SLC6A6: variants seen among roughly 807,000 people sequenced by gnomAD.
The protein encoded by SLC6A6 is solute carrier family 6 member 6, also known as sodium- and chloride-dependent taurine transporter.
SLC6A6 carries 16 observed loss-of-function variants against 68.8 expected under a neutral mutation model. The observed-to-expected ratio is 0.23, with a 90% CI of 0.16 to 0.35. The LOEUF is 0.35. SLC6A6 is among the 10% of genes least tolerant of loss of function. The pLI is 1.00. For missense variants in SLC6A6, 474 were observed against 802.8 expected, an observed-to-expected ratio of 0.59 and a Z score of 4.95; for synonymous variants, 312 against 315.4, an observed-to-expected ratio of 0.99 and a Z score of 0.12.
chr3:14,475,674 C>T (rs1298195342), intron 10 of SLC6A6, among the ~76,000 whole-genome samples: 3 of 152,182 alleles, frequency 2.0e-5, no homozygotes, highest in Non-Finnish European at 4.4e-5. Flanking sequence ...GCGACACTGA[C>T]CTTCCTGTCT....
intron 4 of SLC6A6, among the ~76,000 whole-genome samples, chr3:14,447,091 A>G (rs540570543): frequency 7.9e-5 from 12 of 152,298 alleles, no homozygotes; most frequent in African/African-American, 2.6e-4. Flanking sequence ...TTATCTATGC[A>G]ACAAATGGAT....
At chr3:14,421,398 C>T (rs1273954259) in intron 2 of SLC6A6, among the ~76,000 whole-genome samples, 2 of 152,164 alleles carry the variant, frequency 1.3e-5, no homozygotes, top group African/African-American at 4.8e-5. Flanking sequence ...CTGAGCACAT[C>T]GTTTAACCTC....
chr3:14,432,300 C>A (rs987914438), intron 2 of SLC6A6, among the ~76,000 whole-genome samples: 3 of 152,206 alleles, frequency 2.0e-5, no homozygotes, highest in Admixed American at 6.5e-5. Flanking sequence ...CTCTGCAGAG[C>A]CTGTTTCAGG....
intron 2 of SLC6A6, among the ~76,000 whole-genome samples, chr3:14,428,884 T>C (rs1288633170): frequency 6.6e-6 from 1 of 152,220 alleles, no homozygotes; most frequent in Non-Finnish European, 1.5e-5. Flanking sequence ...GTGACTCCTC[T>C]CTGCTGGGTG....
intron 12 of SLC6A6, chr3:14,478,866 C>T (rs1700943612): frequency 1.0e-5 from 6 of 592,664 alleles, no homozygotes; most frequent in Non-Finnish European, 3.0e-6. Context: ...CCTAAGATTG[C>T]ACACCTAGGG....
At chr3:14,474,920 C>T (rs1574964403) in intron 10 of SLC6A6, among the ~76,000 whole-genome samples, 1 of 152,236 alleles carries the variant, frequency 6.6e-6, no homozygotes, top group Non-Finnish European at 1.5e-5. Context: ...GGGAACAGTC[C>T]GTCTGGCCTA....
chr3:14,433,664 C>T (rs1331215452), intron 2 of SLC6A6, among the ~76,000 whole-genome samples: 2 of 151,888 alleles, frequency 1.3e-5, no homozygotes, highest in African/African-American at 2.4e-5. Flanking sequence ...ATTAGCTGGG[C>T]GTGGTGGCAG....
intron 3 of SLC6A6, chr3:14,445,016 G>A: frequency 5.5e-6 from 2 of 365,514 alleles, no homozygotes; most frequent in South Asian, 4.0e-5. Flanking sequence ...GGGAGGGTAG[G>A]TGAAGGCCCC....
At chr3:14,429,967 A>T (rs1281300869) in intron 2 of SLC6A6, among the ~76,000 whole-genome samples, 1 of 143,134 alleles carries the variant, frequency 7.0e-6, no homozygotes, top group Admixed American at 6.9e-5. Context: ...GAGCTGGAGG[A>T]TGCTAAACGG....
At chr3:14,434,365 G>A (rs918250583) in intron 2 of SLC6A6, among the ~76,000 whole-genome samples, 1 of 152,182 alleles carries the variant, frequency 6.6e-6, no homozygotes, top group Non-Finnish European at 1.5e-5. Flanking sequence ...TCCGCAGAGG[G>A]GCCTACTTTG....
At chr3:14,463,477 T>C (rs991039129) in intron 6 of SLC6A6, among the ~76,000 whole-genome samples, 4 of 152,208 alleles carry the variant, frequency 2.6e-5, no homozygotes, top group African/African-American at 9.6e-5. Context: ...ACTGGGTTGC[T>C]TGGCCCAGTG....
chr3:14,442,399 G>T (rs531184530), intron 2 of SLC6A6, among the ~76,000 whole-genome samples: 2 of 152,296 alleles, frequency 1.3e-5, no homozygotes, highest in East Asian at 3.9e-4. Context: ...TAGTAGCTCT[G>T]GTTTTCCCAG....
At chr3:14,425,783 T>G (rs1272277541) in intron 2 of SLC6A6, among the ~76,000 whole-genome samples, 1 of 152,196 alleles carries the variant, frequency 6.6e-6, no homozygotes, top group Non-Finnish European at 1.5e-5. Flanking sequence ...CCCATGGTCC[T>G]TCCCCTCATC....
At chr3:14,445,585 C>G (rs1341523203) in intron 3 of SLC6A6, 132 bp from the exon 4 acceptor site, 87 of 1,022,560 alleles carry the variant, frequency 8.5e-5, no homozygotes, top group Non-Finnish European at 3.0e-6. Context: ...CCACCAGGTC[C>G]AAGAGTTTGG....
intron 14 of SLC6A6, among the ~76,000 whole-genome samples, chr3:14,483,311 GTCTT>G (rs1162357856): frequency 6.6e-6 from 1 of 152,214 alleles, no homozygotes; most frequent in Non-Finnish European, 1.5e-5. Flanking sequence ...CCATCTGTCT[GTCTT>G]TCTTTATGTG....
intron 1 of SLC6A6, 74 bp from the exon 2 acceptor site, chr3:14,416,338 A>G (rs1382647461): frequency 7.5e-6 from 3 of 398,352 alleles, no homozygotes; most frequent in Admixed American, 4.4e-5. Context: ...TGGGTGGACA[A>G]TTAGGGGCCC....
chr3:14,437,590 G>A (rs978463162), intron 2 of SLC6A6, among the ~76,000 whole-genome samples: 1 of 152,032 alleles, frequency 6.6e-6, no homozygotes, highest in South Asian at 2.1e-4. Context: ...GTATCACCTC[G>A]CTTCCTAAGC....
At chr3:14,411,206 T>C (rs575997530) in intron 1 of SLC6A6, 37 of 152,452 alleles carry the variant, frequency 2.4e-4, no homozygotes, top group African/African-American at 8.7e-4. Context: ...AGCCTGGCAT[T>C]GGAGGCCCTT....
chr3:14,469,888 G>T lies in SLC6A6; in HGVS notation c.1096+1676G>T, dbSNP rs889925157. ...CTCCACTGTCCCTGCTTCCAAAGTG[G>T]ACCCTCAGATGTACTGTTCCCTCCA... is the stretch of plus-strand genomic sequence containing the variant. On this transcript the variant is annotated intron_variant, in intron 9 of 14. Coordinates refer to ENST00000622186, the MANE Select transcript of SLC6A6 (RefSeq NM_003043.6). Among the ~76,000 whole-genome samples the T allele has an allele frequency of 1.6e-4, 25 of 152,064 alleles. 1 individual carries two copies. The highest frequency in any genetic ancestry group is 1.6e-3 in the Admixed American group (25 of 15,268).
Sources: allele counts gnomAD v4.1 joint callset (sites outside exome capture counted in the v4.1 genomes callset), GRCh38; gene constraint gnomAD v4.1.1; transcripts MANE v1.5; gene names NCBI Gene and HGNC (gene_info 2026-07-23, HGNC 2026-07-21).